Variants in CFAP47 observed in about 807,000 individuals in gnomAD.
CFAP47 encodes the protein cilia and flagella associated protein 47, also known as cilia- and flagella-associated protein 47.
Under a neutral mutation model 148.1 loss-of-function variants are expected in CFAP47, and 29 were observed. The ratio of observed to expected loss-of-function variants is 0.20; its 90% confidence interval spans 0.15 to 0.27. The LOEUF (loss-of-function observed/expected upper bound fraction) is 0.27, where lower values mean the gene tolerates loss of function less well. Ranked by LOEUF, CFAP47 falls within the 10% of genes least tolerant of loss-of-function variation. CFAP47 has a pLI of 1.00. For missense variants in CFAP47, 1,872 were observed against 1,697.5 expected, an observed-to-expected ratio of 1.10 and a Z score of -1.81; for synonymous variants, 664 against 577.3, an observed-to-expected ratio of 1.15 and a Z score of -2.15.
intron 49 of CFAP47, among the ~76,000 whole-genome samples, chrX:36,255,065 G>T (rs1555998778): frequency 8.9e-6 from 1 of 112,057 alleles, no homozygotes; most frequent in African/African-American, 3.2e-5. Flanking sequence ...CTACGATCAT[G>T]TTCCAAGTGT....
intron 51 of CFAP47, among the ~76,000 whole-genome samples, 190 bp downstream of exon 51, chrX:36,285,916 T>A (rs1381184699): frequency 1.8e-5 from 2 of 112,023 alleles, no homozygotes; most frequent in African/African-American, 6.5e-5. Context: ...GGAAAACATC[T>A]TTTAGTTATA....
At chrX:36,362,488 G>A (rs1556019461) in intron 61 of CFAP47, among the ~76,000 whole-genome samples, 1 of 112,594 alleles carries the variant, frequency 8.9e-6, no homozygotes, top group Non-Finnish European at 1.9e-5. Flanking sequence ...AGGAGGACAT[G>A]GATGCATGCA....
chrX:36,008,008 T>TC (rs1936999370), intron 21 of CFAP47, among the ~76,000 whole-genome samples: 1 of 111,627 alleles, frequency 9.0e-6, no homozygotes. Context: ...AATAGAGCCC[T>TC]CAGTCTGGTC....
At position 35,938,583 on chromosome X, in the gene CFAP47, A is replaced by G. The variant is rs762127835; in HGVS notation, c.402-2700A>G. Among the ~76,000 whole-genome samples the G allele has an allele frequency of 1.8e-4, 20 of 111,419 alleles. No homozygotes were observed. The South Asian group carries it at 6.0e-3, about 34-fold the overall frequency. On this transcript the variant is annotated intron_variant, in intron 2 of 63. Coordinates refer to ENST00000378653, the MANE Select transcript of CFAP47 (RefSeq NM_001304548.2). ...CATTTTAAACTTTTATTTAGTTAGC[A>G]TGTTTATGGATGATAGATACTTATT...
At chrX:35,941,728 G>A (rs1936012836) in intron 3 of CFAP47, among the ~76,000 whole-genome samples, 1 of 111,388 alleles carries the variant, frequency 9.0e-6, no homozygotes, top group South Asian at 3.8e-4. Flanking sequence ...TCTGGGGCAA[G>A]TATTTTTAAG....
rs774989363 is a variant in CFAP47, at chrX:35,971,460, A to G, written c.1971-126A>G. 5 of 419,554 alleles carry G rather than the reference A, an allele frequency of 1.2e-5. No individual in the cohort carries two copies. The East Asian group carries it at 2.0e-4, about 17-fold the overall frequency. The allele number at this position is 419,554 out of a possible 1,213,427, so 34.6% of individuals were successfully genotyped here. A position where few individuals can be genotyped will look rare whatever the true frequency, so the allele number is the denominator to read the frequency against. ...ACAATTTTATGTGGATTAGTGCACC[A>G]GTCTGGTTAAGTGGATATGAGTGAG... On this transcript the variant is annotated intron_variant, in intron 11 of 63. Transcript: ENST00000378653.
chrX:36,065,772 A>G (rs766753469), intron 27 of CFAP47, 29 bp downstream of exon 27: 1 of 860,584 alleles, frequency 1.2e-6, no homozygotes, highest in South Asian at 2.2e-5. Flanking sequence ...ATTTATCCCT[A>G]ACTCTCACTG....
chrX:36,207,561 T>TG (rs1413500908), intron 45 of CFAP47, among the ~76,000 whole-genome samples: 1 of 111,950 alleles, frequency 8.9e-6, no homozygotes, highest in Non-Finnish European at 1.9e-5. Flanking sequence ...GGATTTACTG[T>TG]GATACCAAAG....
At chrX:35,999,185 T>C (rs1446411621) in intron 19 of CFAP47, among the ~76,000 whole-genome samples, 2 of 112,243 alleles carry the variant, frequency 1.8e-5, no homozygotes, top group Non-Finnish European at 3.8e-5. Context: ...CATCAAACTT[T>C]CATTTTCCAT....
chrX:36,310,435 A>C (rs1941384310), intron 55 of CFAP47, among the ~76,000 whole-genome samples: 1 of 109,662 alleles, frequency 9.1e-6, no homozygotes, highest in African/African-American at 3.3e-5. Context: ...TGTGGCAGCT[A>C]TCTGAATTTC....
chrX:36,155,905 C>A (rs1316417657), intron 37 of CFAP47, among the ~76,000 whole-genome samples: 1 of 110,909 alleles, frequency 9.0e-6, no homozygotes, highest in Non-Finnish European at 1.9e-5. Context: ...GCCAGGCAAG[C>A]AAATACATAC....
intron 23 of CFAP47, among the ~76,000 whole-genome samples, chrX:36,031,958 G>A (rs1008060710): frequency 1.6e-4 from 18 of 110,476 alleles, no homozygotes; most frequent in African/African-American, 5.9e-4. Flanking sequence ...AAATTATATG[G>A]AGAGAATATT....
intron 48 of CFAP47, among the ~76,000 whole-genome samples, chrX:36,249,166 A>G (rs1940661052): frequency 9.1e-6 from 1 of 110,099 alleles, no homozygotes; most frequent in Non-Finnish European, 1.9e-5. Context: ...GCAAGCACAA[A>G]GAGGCAGTAA....
chrX:35,930,081 G>A lies in CFAP47; in HGVS notation c.401+3913G>A, dbSNP rs901979245. On this transcript the variant is annotated intron_variant, in intron 2 of 63. Coordinates refer to ENST00000378653, the MANE Select transcript of CFAP47 (RefSeq NM_001304548.2). ...TTTTAGCTGTCAGTATTTTTGGATG[G>A]CCTTTATCAAGTTGAAGTAATTCCC... Among the ~76,000 whole-genome samples the A allele has an allele frequency of 6.3e-5, 7 of 111,636 alleles. No homozygotes were observed. The East Asian group carries it at 2.0e-3, about 31-fold the overall frequency.
rs181654734 is a variant in CFAP47, at chrX:36,262,235, C to A, written c.7444+10791C>A. On this transcript the variant is annotated intron_variant, in intron 49 of 63. Transcript: ENST00000378653. ...GTGTTACAAACAATCCAATTACAAT[C>A]TTTTAGTTATTTTAAAATGTACAAT... Among the ~76,000 whole-genome samples, 4 of 111,754 alleles carry A rather than the reference C, an allele frequency of 3.6e-5. No individual in the cohort carries two copies. In the East Asian group the frequency reaches 1.1e-3, roughly 32 times the overall value.
At chrX:36,164,520 C>T (rs1295574468) in intron 39 of CFAP47, among the ~76,000 whole-genome samples, 2 of 111,519 alleles carry the variant, frequency 1.8e-5, no homozygotes, top group Non-Finnish European at 3.8e-5. Flanking sequence ...ATTTTTCATC[C>T]TTTTACTTTC....
At chrX:36,073,386 A>G in intron 29 of CFAP47, 22 bp downstream of exon 29, 2 of 1,039,780 alleles carry the variant, frequency 1.9e-6, no homozygotes, top group Non-Finnish European at 2.7e-6. Context: ...ATGTTTCTCT[A>G]AATTCTTTGC....
chrX:36,117,236 A>G (rs1938656890), intron 33 of CFAP47, among the ~76,000 whole-genome samples: 1 of 111,697 alleles, frequency 9.0e-6, no homozygotes, highest in Admixed American at 9.5e-5. Context: ...TATCTCTTTG[A>G]TATATTGGTT....
intron 51 of CFAP47, among the ~76,000 whole-genome samples, chrX:36,294,760 A>G (rs992220043): frequency 1.3e-4 from 15 of 111,673 alleles, no homozygotes; most frequent in African/African-American, 4.9e-4. Flanking sequence ...ATGTATGTGT[A>G]TAAATATATA....
Sources: gnomAD v4.1 joint callset for allele counts (sites outside exome capture counted in the v4.1 genomes callset) on GRCh38, gnomAD v4.1.1 for gene constraint, MANE v1.5 for transcripts, NCBI Gene and HGNC (gene_info 2026-07-23, HGNC 2026-07-21) for gene names.